The following SLCO3A1 variants were observed in gnomAD, a reference collection of about 807,000 sequenced individuals.
SLCO3A1 encodes the protein PGE1 transporter.
In SLCO3A1, 27 loss-of-function variants were observed where a neutral mutation model predicts 63.1. That is an observed-to-expected ratio of 0.43 (90% CI 0.32 to 0.59). The LOEUF (loss-of-function observed/expected upper bound fraction) is 0.59. Among genes scored for constraint, SLCO3A1 ranks in the 20% least tolerant of loss-of-function variants. The pLI, the probability that SLCO3A1 is intolerant of heterozygous loss-of-function variation, is 0.09. For synonymous variants in SLCO3A1, 473 were observed against 409.9 expected (o/e 1.15, Z -1.86); for missense variants, 773 against 945.8 (o/e 0.82, Z 2.40).
chr15:92,016,249 A>AT (rs760444414), intron 2 of SLCO3A1, among the ~76,000 whole-genome samples: 2,385 of 58,258 alleles, frequency 0.041, 28 homozygotes, highest in East Asian at 0.06. Context: ...AGATAGATAG[A>AT]TAGATTAGAT....
chr15:91,873,679 A>G (rs1056699660), intron 1 of SLCO3A1, among the ~76,000 whole-genome samples: 4 of 152,152 alleles, frequency 2.6e-5, no homozygotes, highest in Admixed American at 6.5e-5. Flanking sequence ...TCATTTCCCT[A>G]TAAAACTGCA....
At chr15:91,943,940 C>T (rs1023390513) in intron 2 of SLCO3A1, among the ~76,000 whole-genome samples, 11 of 152,184 alleles carry the variant, frequency 7.2e-5, no homozygotes, top group African/African-American at 2.7e-4. Context: ...GCCTTAGCAT[C>T]CCTCGGTGGG....
intron 2 of SLCO3A1, among the ~76,000 whole-genome samples, chr15:92,041,468 G>C (rs1395761249): frequency 6.6e-6 from 1 of 152,180 alleles, no homozygotes; most frequent in Non-Finnish European, 1.5e-5. Flanking sequence ...AGAAGACTAA[G>C]TTATGCAGTT....
chr15:91,983,560 G>A (rs1432978883), intron 2 of SLCO3A1, among the ~76,000 whole-genome samples: 1 of 152,142 alleles, frequency 6.6e-6, no homozygotes, highest in African/African-American at 2.4e-5. Flanking sequence ...GAAGCATGAG[G>A]CTGAATTTCT....
At chr15:91,992,417 G>T (rs112083279) in intron 2 of SLCO3A1, among the ~76,000 whole-genome samples, 1 of 152,128 alleles carries the variant, frequency 6.6e-6, no homozygotes, top group African/African-American at 2.4e-5. Flanking sequence ...GGTTATGACC[G>T]CCAGTGACTC....
At chr15:92,112,599 G>A (rs2047742145) in intron 4 of SLCO3A1, among the ~76,000 whole-genome samples, 2 of 152,200 alleles carry the variant, frequency 1.3e-5, no homozygotes, top group Non-Finnish European at 2.9e-5. Flanking sequence ...AAGCAGTGGG[G>A]GGTTCTTTGA....
intron 1 of SLCO3A1, among the ~76,000 whole-genome samples, chr15:91,907,687 TTTTG>T (rs1414295114): frequency 6.6e-6 from 1 of 151,748 alleles, no homozygotes. Flanking sequence ...GCCCAGCTAA[TTTTG>T]TTTTTTACAC....
At chr15:91,962,964 A>G (rs745704432) in intron 2 of SLCO3A1, among the ~76,000 whole-genome samples, 1 of 152,202 alleles carries the variant, frequency 6.6e-6, no homozygotes, top group Non-Finnish European at 1.5e-5. Flanking sequence ...ATCTGAAGAC[A>G]TAAGTGATTA....
At chr15:92,106,196 C>T (rs769835477) in intron 4 of SLCO3A1, among the ~76,000 whole-genome samples, 3 of 152,230 alleles carry the variant, frequency 2.0e-5, no homozygotes, top group Non-Finnish European at 2.9e-5. Context: ...AATGTTATGT[C>T]TGGCCCCATG....
Position 92,164,464 on chromosome 15 carries a change from T to C in SLCO3A1, c.*1329T>C, listed in dbSNP as rs952102285. 1.8e-5 allele frequency: 18 copies of C among 985,434 alleles called. No individual in the cohort carries two copies. The African/African-American group carries it at 2.8e-4, about 15-fold the overall frequency. 61.0% of individuals were successfully genotyped at this position (985,434 alleles called of 1,614,324 possible). A position where few individuals can be genotyped will look rare whatever the true frequency, so the allele number is the denominator to read the frequency against. On this transcript the variant is annotated 3_prime_UTR_variant, in exon 10 of 10. Transcript: ENST00000318445. ...GTGATCACTGTCACGGGAAACCCTT[T>C]TATATTCATGCTTGACATTCCAAGA...
rs76007139 is a variant in SLCO3A1, at chr15:92,056,739, C to T, written c.647-38142C>T. On this transcript the variant is annotated intron_variant, in intron 2 of 9. Coordinates refer to ENST00000318445, the MANE Select transcript of SLCO3A1 (RefSeq NM_013272.4). ...TCCGCTGAGAAAAGGCACCTCTTAT[C>T]ACTGTCCCCTGCCTAAGAAAGCCTT... Among the ~76,000 whole-genome samples the T allele has an allele frequency of 1.4e-3, 210 of 152,300 alleles. 1 individual carries two copies. The highest frequency in any genetic ancestry group is 4.9e-3 in the African/African-American group (204 of 41,568).
chr15:92,041,345 A>G (rs915256132), intron 2 of SLCO3A1, among the ~76,000 whole-genome samples: 6 of 152,194 alleles, frequency 3.9e-5, no homozygotes, highest in Admixed American at 2.0e-4. Context: ...CAGAAGATTC[A>G]TATTTCCCAG....
chr15:92,129,019 A>G (rs375978443), intron 7 of SLCO3A1, among the ~76,000 whole-genome samples: 31 of 152,052 alleles, frequency 2.0e-4, no homozygotes, highest in East Asian at 1.9e-3. Flanking sequence ...CTTAGCGTGG[A>G]TTTTACAATT....
At chr15:91,965,506 A>C (rs558252040) in intron 2 of SLCO3A1, among the ~76,000 whole-genome samples, 1 of 152,176 alleles carries the variant, frequency 6.6e-6, no homozygotes, top group African/African-American at 2.4e-5. Context: ...TGTTCACTTT[A>C]GAATCCAGGA....
chr15:91,911,122 T>C (rs1898472005), intron 1 of SLCO3A1, among the ~76,000 whole-genome samples: 2 of 152,218 alleles, frequency 1.3e-5, no homozygotes, highest in Non-Finnish European at 1.5e-5. Context: ...GGCTAAGTGC[T>C]GATAGTTTCA....
At chr15:91,944,557 C>T (rs577756301) in intron 2 of SLCO3A1, among the ~76,000 whole-genome samples, 2 of 152,210 alleles carry the variant, frequency 1.3e-5, no homozygotes, top group African/African-American at 4.8e-5. Flanking sequence ...CCCTTTGGAA[C>T]TCTGTCACCC....
chr15:91,862,837 T>C lies in SLCO3A1; in HGVS notation c.180+8749T>C, dbSNP rs762815675. ...GGGAGAAGTGTCACAATGATGTTTT[T>C]CATTTAAAGACTACTGTAAAATATT... On this transcript the variant is annotated intron_variant, in intron 1 of 9. Transcript: ENST00000318445. This position sits in a 1 kb window ranked among gnomAD's most constrained non-coding sequence, Gnocchi z 4.0. Among the ~76,000 whole-genome samples the C allele has an allele frequency of 1.2e-4, 18 of 152,248 alleles. No individual in the cohort carries two copies. The highest frequency in any genetic ancestry group is 2.2e-4 in the Non-Finnish European group (15 of 68,048).
In SLCO3A1 at chr15:92,165,504, GA is replaced by G. The variant is rs966361000; in HGVS notation, c.*2379del. 1.9e-4 allele frequency: 170 copies of G among 913,616 alleles called. No homozygotes were observed. The highest frequency in any genetic ancestry group is 1.1e-3 in the Middle Eastern group (2 of 1,792). The allele number at this position is 913,616 out of a possible 1,614,324, so 56.6% of individuals were successfully genotyped here. A position where few individuals can be genotyped will look rare whatever the true frequency, so the allele number is the denominator to read the frequency against. On this transcript the variant is annotated 3_prime_UTR_variant, in exon 10 of 10. Transcript: ENST00000318445. The stretch of plus-strand genomic sequence containing the variant: ...TTTTATGGAACTATTTGCTTTGAGA[GA>G]AAAAAAAAAGAAAGTTTTTTAAACT...
intron 2 of SLCO3A1, among the ~76,000 whole-genome samples, chr15:91,991,970 G>T (rs545572261): frequency 6.6e-6 from 1 of 152,200 alleles, no homozygotes; most frequent in African/African-American, 2.4e-5. Context: ...AGATAGAAAA[G>T]AATTGCTGGG....
Sources: gnomAD v4.1 joint callset for allele counts (sites outside exome capture counted in the v4.1 genomes callset) on GRCh38, gnomAD v4.1.1 for gene constraint, Gnocchi (gnomAD v3.1) non-coding constraint, MANE v1.5 for transcripts, NCBI Gene and HGNC (gene_info 2026-07-23, HGNC 2026-07-21) for gene names.